KDM4C: variants seen among roughly 807,000 people sequenced by gnomAD.
KDM4C encodes lysine-specific demethylase 4C.
KDM4C carries 81 observed loss-of-function variants against 129.3 expected under a neutral mutation model. That is an observed-to-expected ratio of 0.63 (90% confidence interval 0.52 to 0.75). KDM4C has a LOEUF of 0.75. KDM4C is among the 30% of genes least tolerant of loss of function. KDM4C has a pLI of 0.00. For missense variants in KDM4C, 1,457 were observed against 1,304.0 expected (o/e 1.12, Z -1.81); for synonymous variants, 573 against 456.1 (o/e 1.26, Z -3.26).
chr9:6,721,010 C>G, intron 1 of KDM4C: 12 of 1,548,686 alleles, frequency 7.7e-6, no homozygotes, highest in Admixed American at 2.0e-5. Flanking sequence ...GAGTGCTGCT[C>G]TGAACATAAT....
At chr9:7,117,334 G>C (rs1212591635) in intron 18 of KDM4C, among the ~76,000 whole-genome samples, 1 of 152,030 alleles carries the variant, frequency 6.6e-6, no homozygotes, top group African/African-American at 2.4e-5. Flanking sequence ...ATTTGCATCT[G>C]TTTTAGTGTG....
chr9:7,104,076 G>A (rs1245754899), intron 18 of KDM4C: 5 of 544,116 alleles, frequency 9.2e-6, no homozygotes, highest in Non-Finnish European at 1.3e-5. Context: ...TGCACGCTAG[G>A]CACAATAAAT....
intron 17 of KDM4C, among the ~76,000 whole-genome samples, chr9:7,090,619 G>A (rs1013648152): frequency 6.6e-6 from 1 of 152,168 alleles, no homozygotes; most frequent in Non-Finnish European, 1.5e-5. Context: ...GAATGACTTT[G>A]GAATGGACTG....
chr9:6,788,960 G>C lies in KDM4C; in HGVS notation c.-17-4012G>C, dbSNP rs1009478378. 2.0e-5 allele frequency among the ~76,000 whole-genome samples: 3 copies of C among 152,290 alleles called. No individual in the cohort carries two copies. The South Asian group carries it at 6.2e-4, about 32-fold the overall frequency. On this transcript the variant is annotated intron_variant, in intron 1 of 21. Coordinates refer to ENST00000381309, the MANE Select transcript of KDM4C (RefSeq NM_015061.6). ...CTTGTTTACAGAAGCACAAGTCAGT[G>C]AGTATTGTTGGAGTGTAAAGTACAG...
intron 1 of KDM4C, among the ~76,000 whole-genome samples, chr9:6,738,700 C>G (rs966304823): frequency 2.6e-5 from 4 of 152,126 alleles, no homozygotes; most frequent in African/African-American, 4.8e-5. Context: ...CTGCTTCAGC[C>G]TCTTGGGTAG....
chr9:7,014,170 C>A (rs1823217108), intron 14 of KDM4C, 169 bp downstream of exon 14: 1 of 590,712 alleles, frequency 1.7e-6, no homozygotes, highest in Non-Finnish European at 2.9e-6. Context: ...TTGGTATATT[C>A]ATCCTTTTTT....
intron 1 of KDM4C, 120 bp from the exon 2 acceptor site, chr9:6,792,852 G>T: frequency 1.0e-6 from 1 of 968,456 alleles, no homozygotes; most frequent in Non-Finnish European, 1.6e-6. Flanking sequence ...ACTGGTAGAA[G>T]GGAATGGGAA....
At chr9:6,840,313 T>C (rs1437783022) in intron 4 of KDM4C, among the ~76,000 whole-genome samples, 1 of 152,144 alleles carries the variant, frequency 6.6e-6, no homozygotes, top group African/African-American at 2.4e-5. Context: ...GCTCAAGCTA[T>C]CTGCCTGCCT....
At chr9:6,972,170 A>T (rs1832096241) in intron 8 of KDM4C, among the ~76,000 whole-genome samples, 1 of 152,092 alleles carries the variant, frequency 6.6e-6, no homozygotes, top group Non-Finnish European at 1.5e-5. Context: ...AGAGATCAAG[A>T]GAGAGACCTT....
intron 4 of KDM4C, among the ~76,000 whole-genome samples, chr9:6,844,270 C>G (rs935737207): frequency 1.3e-5 from 2 of 150,496 alleles, no homozygotes; most frequent in Non-Finnish European, 3.0e-5. Context: ...TTAAGTTTTT[C>G]TAATTTACAC....
intron 15 of KDM4C, among the ~76,000 whole-genome samples, chr9:7,024,797 T>A (rs1825521250): frequency 6.6e-6 from 1 of 152,312 alleles, no homozygotes; most frequent in African/African-American, 2.4e-5. Flanking sequence ...TAAACATACG[T>A]GTGCATGTGT....
chr9:6,883,582 G>A (rs1272097778), intron 6 of KDM4C, among the ~76,000 whole-genome samples: 1 of 152,174 alleles, frequency 6.6e-6, no homozygotes, highest in Non-Finnish European at 1.5e-5. Flanking sequence ...TAGACATCGG[G>A]CAATAATACA....
chr9:6,991,151 T>C (rs1173595899), intron 12 of KDM4C, among the ~76,000 whole-genome samples: 1 of 152,112 alleles, frequency 6.6e-6, no homozygotes, highest in East Asian at 1.9e-4. Flanking sequence ...TGATCACGGC[T>C]CACTGCAGCC....
At chr9:7,083,994 C>T (rs1834836001) in intron 17 of KDM4C, among the ~76,000 whole-genome samples, 1 of 152,138 alleles carries the variant, frequency 6.6e-6, no homozygotes, top group African/African-American at 2.4e-5. Flanking sequence ...CTCAAATTAT[C>T]ATCTTTGGAT....
At chr9:6,972,480 T>C (rs940284867) in intron 8 of KDM4C, among the ~76,000 whole-genome samples, 3 of 152,202 alleles carry the variant, frequency 2.0e-5, no homozygotes, top group Non-Finnish European at 2.9e-5. Context: ...GAGCTGTGCG[T>C]TGTTAAAATT....
intron 12 of KDM4C, among the ~76,000 whole-genome samples, chr9:6,995,710 C>T (rs1052631838): frequency 3.9e-5 from 6 of 151,916 alleles, no homozygotes; most frequent in East Asian, 3.9e-4. Context: ...CTCGCACTGT[C>T]GCCCAGGCTG....
At chr9:6,894,732 A>G (rs1282559173) in intron 8 of KDM4C, among the ~76,000 whole-genome samples, 2 of 152,186 alleles carry the variant, frequency 1.3e-5, no homozygotes, top group Non-Finnish European at 2.9e-5. Flanking sequence ...AGTGGAAGGA[A>G]GAGAGGCTGG....
chr9:6,722,780 T>C (rs1816998509), intron 1 of KDM4C, among the ~76,000 whole-genome samples: 2 of 151,966 alleles, frequency 1.3e-5, no homozygotes, highest in Admixed American at 1.3e-4. Context: ...CCCAAAATGC[T>C]GGAATTACAG....
Position 7,011,832 on chromosome 9 carries a change from A to G in KDM4C, c.1921A>G (p.Met641Val), listed in dbSNP as rs1311577015. 2 of 1,614,094 alleles carry G rather than the reference A, an allele frequency of 1.2e-6. No homozygotes were observed. Among genetic ancestry groups the G allele is most frequent in the Middle Eastern group, 1.7e-4 (1 of 6,012 alleles). Reference sequence around the variant, plus strand: ...AGAGTATAATGCAACAGTGGCCAGGATGAAGCCACACTGTGCCATCTGCAC... The same window carrying G: ...AGAGTATAATGCAACAGTGGCCAGGGTGAAGCCACACTGTGCCATCTGCAC... ...EQEYNATVARMKPHCAICTLL... is the reference protein window; with the variant it reads ...EQEYNATVARVKPHCAICTLL... Residue 641 changes from methionine (M) to valine (V), a missense_variant, in exon 13 of 22, where the codon ATG (methionine) becomes GTG (valine). Physicochemically the swap from Met to Val is conservative, Grantham distance 21. Coordinates refer to ENST00000381309, the MANE Select transcript of KDM4C (RefSeq NM_015061.6).
Sources: gnomAD v4.1 joint callset for allele counts (sites outside exome capture counted in the v4.1 genomes callset) on GRCh38, gnomAD v4.1.1 for gene constraint, MANE v1.5 for transcripts, NCBI Gene and HGNC (gene_info 2026-07-23, HGNC 2026-07-21) for gene names.